Variants in ESR2 observed in about 807,000 individuals in gnomAD.
The protein encoded by ESR2 is estrogen receptor beta.
Under a neutral mutation model 49.6 loss-of-function variants are expected in ESR2, and 36 were observed. The ratio of observed to expected loss-of-function variants is 0.73; its 90% CI spans 0.56 to 0.96. The LOEUF (loss-of-function observed/expected upper bound fraction) is 0.96, where lower values mean the gene tolerates loss of function less well. ESR2 is among the 40% of genes least tolerant of loss of function. The pLI, the probability that ESR2 is intolerant of heterozygous loss-of-function variation, is 0.00. For synonymous variants in ESR2, 320 were observed against 266.1 expected (o/e 1.20, Z -1.97); for missense variants, 714 against 693.0 (o/e 1.03, Z -0.34).
At position 64,305,670 on chromosome 14, in the gene ESR2, C is replaced by CAATA. The variant is rs897233050; in HGVS notation, c.-90-22599_-90-22596dup. ...TGGGCAACACAGCGAGACTCTGTCT[C>CAATA]AATAAATAAATAAATAAATAAAATA... On this transcript the variant is annotated intron_variant, in intron 1 of 8. Coordinates refer to the ESR2 transcript ENST00000358599. Among the ~76,000 whole-genome samples the CAATA allele has an allele frequency of 1.4e-4, 21 of 151,306 alleles. No individual in the cohort carries two copies. The South Asian group carries it at 1.5e-3, about 11-fold the overall frequency.
chr14:64,256,710 CAG>C (rs927640876), intron 6 of ESR2, among the ~76,000 whole-genome samples: 1 of 151,268 alleles, frequency 6.6e-6, no homozygotes, highest in African/African-American at 2.4e-5. Flanking sequence ...GCCTGAGCAA[CAG>C]AGAGAGACTC....
chr14:64,237,987 A>G (rs1417205428), intron 7 of ESR2, among the ~76,000 whole-genome samples: 1 of 152,236 alleles, frequency 6.6e-6, no homozygotes, highest in Non-Finnish European at 1.5e-5. Flanking sequence ...TGAATAAACT[A>G]AAAACATTGA....
chr14:64,291,186 TTC>T (rs2076865067), intron 1 of ESR2, among the ~76,000 whole-genome samples: 1 of 152,208 alleles, frequency 6.6e-6, no homozygotes, highest in African/African-American at 2.4e-5. Context: ...TCAACTCCCC[TTC>T]CAGGCCTGGG....
intron 3 of ESR2, among the ~76,000 whole-genome samples, chr14:64,278,936 CT>C (rs1417457921): frequency 6.6e-6 from 1 of 152,204 alleles, no homozygotes; most frequent in East Asian, 1.9e-4. Flanking sequence ...CCTCCCTCCC[CT>C]TTTGGAATCA....
intron 7 of ESR2, among the ~76,000 whole-genome samples, chr14:64,237,533 C>G (rs1414967739): frequency 6.6e-6 from 1 of 152,172 alleles, no homozygotes; most frequent in Non-Finnish European, 1.5e-5. Context: ...AAATTGTGTG[C>G]CTGTACATGT....
intron 7 of ESR2, among the ~76,000 whole-genome samples, chr14:64,236,175 A>G (rs2075594577): frequency 6.6e-6 from 1 of 152,202 alleles, no homozygotes; most frequent in Non-Finnish European, 1.5e-5. Context: ...AGTTTAACTC[A>G]GGTAAGGCAA....
At chr14:64,324,172 G>A (rs1488696976) in intron 1 of ESR2, among the ~76,000 whole-genome samples, 1 of 152,186 alleles carries the variant, frequency 6.6e-6, no homozygotes, top group Admixed American at 6.6e-5. Context: ...CATTGTATCA[G>A]GTTGGTCTGT....
intron 1 of ESR2, among the ~76,000 whole-genome samples, chr14:64,305,290 CA>C (rs567349725): frequency 0.014 from 1,405 of 100,338 alleles, 12 homozygotes; most frequent in African/African-American, 0.027. Context: ...GACTCCGTCT[CA>C]AAAAAAAAAA....
At chr14:64,241,319 ACT>A (rs2075725172) in intron 7 of ESR2, among the ~76,000 whole-genome samples, 3 of 152,206 alleles carry the variant, frequency 2.0e-5, no homozygotes, top group South Asian at 2.1e-4. Context: ...TTATTTCTGG[ACT>A]CTCTGTTCCA....
chr14:64,336,302 C>A (rs1223970035), intron 1 of ESR2: 1 of 152,094 alleles, frequency 6.6e-6, no homozygotes, highest in Non-Finnish European at 1.5e-5. Context: ...TCAAACTGCC[C>A]TTCAAAATGG....
chr14:64,332,948 C>G (rs2140909235), intron 1 of ESR2, among the ~76,000 whole-genome samples: 1 of 148,082 alleles, frequency 6.8e-6, no homozygotes, highest in Admixed American at 6.8e-5. Flanking sequence ...GCGATCTCAG[C>G]TCACTGCAAG....
intron 1 of ESR2, among the ~76,000 whole-genome samples, chr14:64,312,998 T>C (rs1437208612): frequency 6.6e-6 from 1 of 152,180 alleles, no homozygotes; most frequent in Admixed American, 6.5e-5. Flanking sequence ...ATATGGTATC[T>C]ATAAGAAACT....
intron 2 of ESR2, 131 bp downstream of exon 2, chr14:64,282,493 G>C (rs1333982017): frequency 1.1e-6 from 1 of 934,612 alleles, no homozygotes. Flanking sequence ...CCTGTGTTTT[G>C]GGTGCTGTAA....
chr14:64,280,619 CA>C (rs2076647908), intron 2 of ESR2, among the ~76,000 whole-genome samples: 1 of 152,242 alleles, frequency 6.6e-6, no homozygotes, highest in African/African-American at 2.4e-5. Context: ...TCATTCCCAA[CA>C]GCATTGCTAA....
chr14:64,237,652 C>A (rs183842699), intron 7 of ESR2, among the ~76,000 whole-genome samples: 5 of 152,142 alleles, frequency 3.3e-5, no homozygotes, highest in African/African-American at 9.7e-5. Flanking sequence ...CACTAACTGA[C>A]GAATGGCTCA....
At chr14:64,264,024 C>T (rs533597545) in intron 4 of ESR2, among the ~76,000 whole-genome samples, 3 of 152,062 alleles carry the variant, frequency 2.0e-5, no homozygotes, top group South Asian at 2.1e-4. Flanking sequence ...AAGTTTTCAT[C>T]GGTTAAAGAC....
intron 4 of ESR2, among the ~76,000 whole-genome samples, chr14:64,261,591 T>C (rs868469115): frequency 2.6e-4 from 40 of 151,708 alleles, no homozygotes; most frequent in African/African-American, 9.2e-4. Flanking sequence ...CTAATTTTTA[T>C]ATTTTTAGTA....
In ESR2 at chr14:64,307,200, A is replaced by AATTTATTT. The variant is rs755253492; in HGVS notation, c.-90-24133_-90-24126dup. Among the ~76,000 whole-genome samples, 3 of 150,750 alleles carry AATTTATTT rather than the reference A, an allele frequency of 2.0e-5. No homozygotes were observed. In the East Asian group the frequency reaches 5.8e-4, roughly 29 times the overall value. On this transcript the variant is annotated intron_variant, in intron 1 of 8. Coordinates refer to the ESR2 transcript ENST00000358599. The stretch of plus-strand genomic sequence containing the variant: ...GGCTAGAGGTTTATTAATTTAATTT[A>AATTTATTT]ATTTATTTATTTATTTATTTATTTA...
Position 64,310,064 on chromosome 14 carries a change from C to T in ESR2, c.-90-26989G>A, listed in dbSNP as rs563599944. 1.2e-3 allele frequency among the ~76,000 whole-genome samples: 187 copies of T among 151,548 alleles called. 1 individual carries two copies. Among genetic ancestry groups the T allele is most frequent in the African/African-American group, 4.4e-3 (181 of 41,290 alleles). Reference sequence around the variant, plus strand: ...TCACGCCACTGTACTGCAGCCTGGGCGACAGAGCGAGACTCCGTCTTAAAA... The same window carrying T: ...TCACGCCACTGTACTGCAGCCTGGGTGACAGAGCGAGACTCCGTCTTAAAA... On this transcript the variant is annotated intron_variant, in intron 1 of 8. Transcript: ENST00000358599.
Sources: gnomAD v4.1 joint callset for allele counts (sites outside exome capture counted in the v4.1 genomes callset) on GRCh38, gnomAD v4.1.1 for gene constraint, MANE v1.5 for transcripts, NCBI Gene and HGNC (gene_info 2026-07-23, HGNC 2026-07-21) for gene names.